Variants in PDE10A observed in about 807,000 individuals in gnomAD.
PDE10A encodes the protein cAMP and cAMP-inhibited cGMP 3',5'-cyclic phosphodiesterase 10A.
In PDE10A, 39 loss-of-function variants were observed where a neutral mutation model predicts 97.7. The observed-to-expected ratio is 0.40, with a 90% CI of 0.31 to 0.52. PDE10A has a LOEUF of 0.52. Ranked by LOEUF, PDE10A falls within the 20% of genes least tolerant of loss-of-function variation. The probability of loss-of-function intolerance (pLI) is 0.56; values close to 1 mark genes in which losing one functional copy is unlikely to be tolerated. For missense variants in PDE10A, 731 were observed against 1,047.8 expected, an observed-to-expected ratio of 0.70 and a Z score of 4.17; for synonymous variants, 371 against 376.8, an observed-to-expected ratio of 0.98 and a Z score of 0.18.
chr6:165,931,186 C>G (rs939283990), intron 1 of PDE10A, among the ~76,000 whole-genome samples: 2 of 152,254 alleles, frequency 1.3e-5, no homozygotes, highest in Non-Finnish European at 2.9e-5. Flanking sequence ...AGGAGTCTTT[C>G]TTGCCAGCCT....
intron 1 of PDE10A, among the ~76,000 whole-genome samples, chr6:165,657,502 C>T (rs1175449748): frequency 1.3e-5 from 2 of 152,208 alleles, no homozygotes; most frequent in East Asian, 1.9e-4. Context: ...ACAATGTATT[C>T]GTTGGTGAAA....
intron 1 of PDE10A, among the ~76,000 whole-genome samples, chr6:165,585,947 G>A (rs767548031): frequency 1.3e-5 from 2 of 151,960 alleles, no homozygotes; most frequent in African/African-American, 4.8e-5. Flanking sequence ...GTGGACTCTT[G>A]ACCAGCTGCC....
chr6:165,367,626 GAAC>G (rs1161518685), intron 18 of PDE10A, among the ~76,000 whole-genome samples: 1 of 148,750 alleles, frequency 6.7e-6, no homozygotes, highest in East Asian at 2.0e-4. Context: ...ATACTGAGGA[GAAC>G]AACAACTGCT....
At chr6:165,437,031 T>A (rs60094014) in intron 5 of PDE10A, among the ~76,000 whole-genome samples, 2,062 of 152,308 alleles carry the variant, frequency 0.014, 48 homozygotes, top group African/African-American at 0.045. Flanking sequence ...GTCCCTTTTC[T>A]GTACCAAAGA....
intron 2 of PDE10A, among the ~76,000 whole-genome samples, chr6:165,516,509 A>C (rs932819911): frequency 1.3e-5 from 2 of 152,192 alleles, no homozygotes; most frequent in Non-Finnish European, 2.9e-5. Context: ...ACCATTGTAC[A>C]TAAAACCTTA....
chr6:165,895,392 G>T (rs369255279), intron 1 of PDE10A, among the ~76,000 whole-genome samples: 86 of 152,290 alleles, frequency 5.6e-4, no homozygotes, highest in African/African-American at 2.0e-3. Context: ...GCCAAGGACT[G>T]CCCATGGCCA....
chr6:165,831,180 C>G (rs957132684), intron 1 of PDE10A, among the ~76,000 whole-genome samples: 1 of 151,464 alleles, frequency 6.6e-6, no homozygotes, highest in Non-Finnish European at 1.5e-5. Context: ...GTCAAGAGAT[C>G]GAGACCATGG....
At chr6:165,832,060 A>G (rs1349325423) in intron 1 of PDE10A, among the ~76,000 whole-genome samples, 1 of 152,240 alleles carries the variant, frequency 6.6e-6, no homozygotes, top group East Asian at 1.9e-4. Context: ...ATGAGACATC[A>G]TGGAAGTTAC....
At position 165,622,722 on chromosome 6, in the gene PDE10A, G is replaced by T. The variant is rs145922125; in HGVS notation, c.865+39225C>A. Among the ~76,000 whole-genome samples the T allele has an allele frequency of 3.3e-5, 5 of 152,342 alleles. No homozygotes were observed. The East Asian group carries it at 9.6e-4, about 29-fold the overall frequency. Reference sequence around the variant, plus strand: ...TCTATGTAAAAGTTCATGCTAGAAAGAAACCCTGTAAAGAAAGAAACTTCC... The same window carrying T: ...TCTATGTAAAAGTTCATGCTAGAAATAAACCCTGTAAAGAAAGAAACTTCC... On this transcript the variant is annotated intron_variant, in intron 1 of 21. Coordinates refer to ENST00000539869, the MANE Select transcript of PDE10A (RefSeq NM_001385079.1).
At chr6:165,652,686 C>T (rs1019302057) in intron 1 of PDE10A, among the ~76,000 whole-genome samples, 1 of 152,104 alleles carries the variant, frequency 6.6e-6, no homozygotes, top group Non-Finnish European at 1.5e-5. Flanking sequence ...TTTTTTCCAA[C>T]AGAGTAAACT....
chr6:165,667,738 CATTA>C (rs1487082198), upstream of PDE10A, among the ~76,000 whole-genome samples: 7 of 150,200 alleles, frequency 4.7e-5, no homozygotes, highest in African/African-American at 7.4e-5. Context: ...AAAAGAAAAA[CATTA>C]ATTATCTCCT....
chr6:165,691,204 CACACACACA>C (rs1791286594), intron 1 of PDE10A, among the ~76,000 whole-genome samples: 2 of 91,500 alleles, frequency 2.2e-5, no homozygotes, highest in African/African-American at 9.5e-5. Context: ...TCTCTCTCCC[CACACACACA>C]CACACACACA....
Position 165,715,208 on chromosome 6 carries a change from C to T in PDE10A, c.-614-171640G>A, listed in dbSNP as rs147954352. Among the ~76,000 whole-genome samples, 648 of 152,328 alleles carry T rather than the reference C, an allele frequency of 4.3e-3. 3 individuals are homozygous for T. The highest frequency in any genetic ancestry group is 0.015 in the African/African-American group (615 of 41,574). On this transcript the variant is annotated intron_variant, in intron 1 of 19. Transcript: ENST00000366882. ...AGACGGGCCTGCGCCCTCATTCACT[C>T]GCAGCAGGTGGCGAGGCTTAGGGAC...
intron 18 of PDE10A, among the ~76,000 whole-genome samples, chr6:165,366,553 T>C (rs1030102497): frequency 6.6e-5 from 10 of 152,214 alleles, no homozygotes; most frequent in African/African-American, 2.2e-4. Flanking sequence ...GATTTAAACG[T>C]TGAAAGGCAA....
chr6:165,492,645 T>A (rs778819892), intron 2 of PDE10A, among the ~76,000 whole-genome samples: 1 of 152,158 alleles, frequency 6.6e-6, no homozygotes, highest in South Asian at 2.1e-4. Flanking sequence ...CAGCATCCCA[T>A]TATGATTAAA....
intron 18 of PDE10A, among the ~76,000 whole-genome samples, chr6:165,357,078 T>C (rs1209708537): frequency 1.3e-5 from 2 of 152,132 alleles, no homozygotes; most frequent in African/African-American, 4.8e-5. Context: ...TTCTGAGATT[T>C]TTGGCCTTCA....
intron 1 of PDE10A, among the ~76,000 whole-genome samples, chr6:165,967,660 T>C (rs533542259): frequency 3.3e-5 from 5 of 152,320 alleles, no homozygotes; most frequent in African/African-American, 4.8e-5. Flanking sequence ...GGACAGAAAA[T>C]AGAGAAGTGT....
rs545789587 is a variant in PDE10A at position 165,444,692 on chromosome 6, C to T, written c.1194+4236G>A. On this transcript the variant is annotated intron_variant, in intron 5 of 21. Transcript: ENST00000539869. The stretch of plus-strand genomic sequence containing the variant: ...TTTTAGTATTTAGTTTTGTTTTTAT[C>T]TTCTGCTAAATGTTCTATGTGAAAA... 3.3e-5 allele frequency among the ~76,000 whole-genome samples: 5 copies of T among 150,600 alleles called. No homozygotes were observed. In the South Asian group the frequency reaches 1.1e-3, roughly 32 times the overall value.
At chr6:165,499,740 ATGAT>A (rs1293541939) in intron 2 of PDE10A, among the ~76,000 whole-genome samples, 1 of 152,202 alleles carries the variant, frequency 6.6e-6, no homozygotes, top group Non-Finnish European at 1.5e-5. Context: ...TTGCTCATGA[ATGAT>A]TAACTGCTAC....
Sources: allele counts gnomAD v4.1 joint callset (sites outside exome capture counted in the v4.1 genomes callset), GRCh38; gene constraint gnomAD v4.1.1; transcripts MANE v1.5; gene names NCBI Gene and HGNC (gene_info 2026-07-23, HGNC 2026-07-21).